Variants in SLC28A1 observed in about 807,000 individuals in gnomAD.
SLC28A1 encodes solute carrier family 28 member 1, also known as sodium/nucleoside cotransporter 1.
SLC28A1 carries 64 observed loss-of-function variants against 74.8 expected under a neutral mutation model. The observed-to-expected ratio is 0.86, with a 90% CI of 0.70 to 1.05. The LOEUF (loss-of-function observed/expected upper bound fraction) is 1.05, where lower values mean the gene tolerates loss of function less well. Ranked by LOEUF, SLC28A1 falls within the 50% of genes least tolerant of loss-of-function variation. SLC28A1 has a pLI of 0.00. For missense variants in SLC28A1, 828 were observed against 822.8 expected (o/e 1.01, Z -0.08); for synonymous variants, 359 against 335.0 (o/e 1.07, Z -0.78).
intron 12 of SLC28A1, 85 bp downstream of exon 12, chr15:84,924,195 C>G (rs1716362328): frequency 6.8e-7 from 1 of 1,471,624 alleles, no homozygotes; most frequent in Non-Finnish European, 9.4e-7. Flanking sequence ...CTGGCCAGAG[C>G]AGCCCTCAGA....
intron 12 of SLC28A1, 58 bp from the exon 13 acceptor site, chr15:84,933,087 T>C: frequency 6.2e-7 from 1 of 1,603,718 alleles, no homozygotes; most frequent in Non-Finnish European, 8.5e-7. Context: ...GCCGCACTCC[T>C]TGGTCGCCAG....
chr15:84,920,777 C>A (rs915747300), intron 10 of SLC28A1, among the ~76,000 whole-genome samples: 3 of 151,138 alleles, frequency 2.0e-5, no homozygotes, highest in Non-Finnish European at 4.4e-5. Context: ...TGCATTCCTA[C>A]GGTGAAATGA....
intron 6 of SLC28A1, among the ~76,000 whole-genome samples, chr15:84,900,897 A>AGGAAGGAC (rs926007650): frequency 6.6e-6 from 1 of 151,522 alleles, no homozygotes; most frequent in African/African-American, 2.4e-5. Flanking sequence ...GAAGGAAGGA[A>AGGAAGGAC]GGAAGGAAGG....
the SLC28A1 span, among the ~76,000 whole-genome samples, chr15:84,952,882 AATAAAGT>A: frequency 6.6e-6 from 1 of 152,204 alleles, no homozygotes; most frequent in Admixed American, 6.5e-5. Context: ...AATTTTTAAT[AATAAAGT>A]ATAAAGAAAA....
intron 12 of SLC28A1, among the ~76,000 whole-genome samples, chr15:84,927,039 A>C (rs1027186357): frequency 1.3e-5 from 2 of 152,082 alleles, no homozygotes; most frequent in African/African-American, 4.8e-5. Flanking sequence ...GTGACTTTTC[A>C]AGAAGTCCCC....
chr15:84,912,926 G>C (rs965445243), intron 9 of SLC28A1, among the ~76,000 whole-genome samples: 1 of 151,772 alleles, frequency 6.6e-6, no homozygotes, highest in Admixed American at 6.6e-5. Flanking sequence ...CATGGTTTTC[G>C]GTGAAGGGAA....
At chr15:84,915,128 G>T (rs1007597534) in intron 9 of SLC28A1, among the ~76,000 whole-genome samples, 4 of 152,170 alleles carry the variant, frequency 2.6e-5, no homozygotes, top group African/African-American at 9.6e-5. Flanking sequence ...TCAGTCCCAG[G>T]AGTGTGGGAT....
chr15:84,960,635 T>A, the SLC28A1 span, among the ~76,000 whole-genome samples: 6 of 152,106 alleles, frequency 3.9e-5, no homozygotes, highest in African/African-American at 1.4e-4. Context: ...GCCACCTGGA[T>A]GTGGGTGATG....
chr15:84,903,304 T>C (rs1966841519), intron 6 of SLC28A1, among the ~76,000 whole-genome samples: 1 of 152,266 alleles, frequency 6.6e-6, no homozygotes, highest in Non-Finnish European at 1.5e-5. Context: ...ATCTCAGCTC[T>C]GCCACTTTCT....
At chr15:84,960,225 C>T in the SLC28A1 span, among the ~76,000 whole-genome samples, 2 of 130,722 alleles carry the variant, frequency 1.5e-5, no homozygotes, top group African/African-American at 5.9e-5. Context: ...CTGTGCCTGC[C>T]TGCTTTTTTT....
the SLC28A1 span, among the ~76,000 whole-genome samples, chr15:84,960,228 C>CT: frequency 4.3e-4 from 37 of 85,586 alleles, 2 homozygotes; most frequent in Non-Finnish European, 4.6e-4. Context: ...TGCCTGCCTG[C>CT]TTTTTTTTTT....
At chr15:84,888,925 A>T in intron 4 of SLC28A1, 65 bp downstream of exon 4, 1 of 1,168,210 alleles carries the variant, frequency 8.6e-7, no homozygotes, top group Non-Finnish European at 1.3e-6. Flanking sequence ...CAGGATGGGG[A>T]GCCGGGCCTC....
intron 18 of SLC28A1, 76 bp downstream of exon 18, chr15:84,944,943 T>C: frequency 8.4e-7 from 1 of 1,195,838 alleles, no homozygotes; most frequent in Admixed American, 1.7e-5. Flanking sequence ...GGGGGATGCC[T>C]TTGGTACCAG....
chr15:84,908,916 GC>G, intron 9 of SLC28A1, 121 bp downstream of exon 9: 1 of 806,900 alleles, frequency 1.2e-6, no homozygotes, highest in Non-Finnish European at 2.1e-6. Context: ...GGCAGAGGTC[GC>G]CGTACTGGGA....
intron 9 of SLC28A1, among the ~76,000 whole-genome samples, chr15:84,917,051 A>T (rs1183655270): frequency 1.4e-5 from 2 of 147,470 alleles, no homozygotes; most frequent in Admixed American, 6.8e-5. Context: ...TAAATAAAAA[A>T]GGTAGGAACA....
At chr15:84,947,695 C>T (rs145391238), downstream of SLC28A1, among the ~76,000 whole-genome samples, 240 of 152,308 alleles carry the variant, frequency 1.6e-3, 2 homozygotes, top group African/African-American at 5.5e-3. Context: ...GCAGAAGAGG[C>T]TAATGAGATC....
chr15:84,938,241 A>T (rs1393619470), intron 15 of SLC28A1, among the ~76,000 whole-genome samples: 1 of 151,838 alleles, frequency 6.6e-6, no homozygotes, highest in East Asian at 1.9e-4. Flanking sequence ...AAAAAGCACA[A>T]GTTTCCCCTC....
At chr15:84,914,257 G>A (rs1362071173) in intron 9 of SLC28A1, among the ~76,000 whole-genome samples, 1 of 152,136 alleles carries the variant, frequency 6.6e-6, no homozygotes, top group Non-Finnish European at 1.5e-5. Flanking sequence ...TTTTACAACG[G>A]CACTAATCCC....
intron 9 of SLC28A1, among the ~76,000 whole-genome samples, chr15:84,910,876 G>C (rs890712735): frequency 6.6e-6 from 1 of 152,220 alleles, no homozygotes; most frequent in Admixed American, 6.5e-5. Flanking sequence ...CCGTGAGGGA[G>C]ACTCCTTGAG....
Sources: gnomAD v4.1 joint callset for allele counts (sites outside exome capture counted in the v4.1 genomes callset) on GRCh38, gnomAD v4.1.1 for gene constraint, MANE v1.5 for transcripts, NCBI Gene and HGNC (gene_info 2026-07-23, HGNC 2026-07-21) for gene names.